IGSF10: variants seen among roughly 807,000 people sequenced by gnomAD.
IGSF10 encodes the protein immunoglobulin superfamily member 10, also known as calvaria mechanical force protein 608.
A neutral mutation model predicts 128.2 loss-of-function variants in IGSF10; 126 were observed. That is an observed-to-expected ratio of 0.98 (90% CI 0.85 to 1.14). The LOEUF (loss-of-function observed/expected upper bound fraction) is 1.14. IGSF10 is among the 50% of genes most tolerant of loss of function. The pLI, the probability that IGSF10 is intolerant of heterozygous loss-of-function variation, is 0.00. For missense variants in IGSF10, 3,295 were observed against 3,149.8 expected, an observed-to-expected ratio of 1.05 and a Z score of -1.10; for synonymous variants, 1,185 against 1,146.2, an observed-to-expected ratio of 1.03 and a Z score of -0.68.
chr3:151,442,955 A>G (rs371817172), intron 7 of IGSF10, 29 bp downstream of exon 7: 34 of 1,580,182 alleles, frequency 2.2e-5, no homozygotes, highest in Non-Finnish European at 2.7e-5. Flanking sequence ...CATAAAGCAG[A>G]TAATTCCAAC....
Position 151,436,469 on chromosome 3 carries a change from A to G in IGSF10, c.*220T>C, listed in dbSNP as rs1720231716. 4.8e-6 allele frequency: 2 copies of G among 416,296 alleles called. No homozygotes were observed. The highest frequency in any genetic ancestry group is 8.5e-6 in the Non-Finnish European group (2 of 236,332). The allele number at this position is 416,296 out of a possible 1,614,324, so 25.8% of individuals were successfully genotyped here. A position where few individuals can be genotyped will look rare whatever the true frequency, so the allele number is the denominator to read the frequency against. Reference sequence around the variant, plus strand: ...TTTATTGTTATTTGTTGGCAAAATAAAAGTGCCTTAAGTTAAAAGTTTGTT... The same window carrying G: ...TTTATTGTTATTTGTTGGCAAAATAGAAGTGCCTTAAGTTAAAAGTTTGTT... On this transcript the variant is annotated 3_prime_UTR_variant, in exon 8 of 8. Transcript: ENST00000282466.
In IGSF10 at chr3:151,437,144, C is replaced by T. The variant is rs777778424; in HGVS notation, c.7417G>A (p.Val2473Ile). 59 of 1,614,052 alleles carry T rather than the reference C, an allele frequency of 3.7e-5. No individual in the cohort carries two copies. ...CCATTAATTTGAGGCCTGTCTACTA[C>T]ATAACCACTTGGCATAGTCCATTTG... ...NIKWTMPSGY[V>I]VDRPQINGKY... is the part of the protein sequence containing the mutation. Residue 2473 changes from valine to isoleucine, a missense_variant, in exon 8 of 8, where the codon GTA (valine) becomes ATA (isoleucine). Physicochemically the swap from Val to Ile is conservative, Grantham distance 29. Coordinates refer to ENST00000282466, the MANE Select transcript of IGSF10 (RefSeq NM_178822.5).
chr3:151,607,923 A>T, the IGSF10 span, among the ~76,000 whole-genome samples: 1 of 150,146 alleles, frequency 6.7e-6, no homozygotes, highest in East Asian at 1.9e-4. Flanking sequence ...AAAAAAAAAA[A>T]AAAAAAAAAA....
chr3:151,536,108 G>A, the IGSF10 span, among the ~76,000 whole-genome samples: 2 of 152,114 alleles, frequency 1.3e-5, no homozygotes, highest in Non-Finnish European at 2.9e-5. Context: ...TAGTCCTAGG[G>A]GGATTAAGGG....
At position 151,447,858 on chromosome 3, in the gene IGSF10, A is replaced by G; in HGVS notation, c.2123T>C (p.Val708Ala). Residue 708 changes from valine (V) to alanine (A), a missense_variant, in exon 6 of 8, where the codon GTT becomes GCT. Val to Ala is a moderately conservative substitution (Grantham distance 64, BLOSUM62 0). Transcript: ENST00000282466. ...ACTTGTGCTTGAGGTGTGTTTTCCA[A>G]CCTCAGCCTCCATCAGAGCAGATGT... ...LRTSALMEAE[V>A]GKHTSSTSKR... 5.6e-6 allele frequency: 9 copies of G among 1,613,924 alleles called. No homozygotes were observed. Among genetic ancestry groups the G allele is most frequent in the Non-Finnish European group, 7.6e-6 (9 of 1,179,972 alleles).
the IGSF10 span, among the ~76,000 whole-genome samples, chr3:151,607,904 C>T: frequency 7.0e-4 from 68 of 97,700 alleles, no homozygotes; most frequent in Middle Eastern, 8.6e-3. Context: ...GAGTGAGACT[C>T]CATCTCGGAA....
At chr3:151,583,657 A>G in the IGSF10 span, among the ~76,000 whole-genome samples, 1 of 152,222 alleles carries the variant, frequency 6.6e-6, no homozygotes, top group Non-Finnish European at 1.5e-5. Context: ...GCACACTAAC[A>G]TGGCACACGT....
At chr3:151,456,503 T>C (rs1440226583) in intron 4 of IGSF10, among the ~76,000 whole-genome samples, 1 of 152,208 alleles carries the variant, frequency 6.6e-6, no homozygotes, top group Non-Finnish European at 1.5e-5. Context: ...CATGTTCCCT[T>C]TATTCTTTTC....
the IGSF10 span, among the ~76,000 whole-genome samples, chr3:151,603,038 T>C: frequency 6.6e-6 from 1 of 152,234 alleles, no homozygotes; most frequent in African/African-American, 2.4e-5. Context: ...AAAACAAAAA[T>C]CAAATCTAGT....
the IGSF10 span, among the ~76,000 whole-genome samples, chr3:151,546,268 A>G: frequency 1.3e-5 from 2 of 151,954 alleles, no homozygotes; most frequent in East Asian, 3.9e-4. Context: ...AAAATACAGC[A>G]TTATCTACAC....
chr3:151,466,221 C>T, the IGSF10 span, among the ~76,000 whole-genome samples: 7 of 152,050 alleles, frequency 4.6e-5, no homozygotes, highest in Middle Eastern at 3.4e-3. Flanking sequence ...TCTGGCGACC[C>T]CCAGAAATAC....
the IGSF10 span, among the ~76,000 whole-genome samples, chr3:151,521,509 ACT>A: frequency 2.6e-5 from 4 of 151,858 alleles, no homozygotes; most frequent in Admixed American, 1.3e-4. Flanking sequence ...TATCAAACAC[ACT>A]CTCAGACCCC....
At chr3:151,505,109 C>T in the IGSF10 span, among the ~76,000 whole-genome samples, 2 of 152,198 alleles carry the variant, frequency 1.3e-5, no homozygotes, top group African/African-American at 4.8e-5. Context: ...TCTGTGGTAC[C>T]AATTTACTTT....
At chr3:151,526,767 C>T in the IGSF10 span, among the ~76,000 whole-genome samples, 1 of 151,926 alleles carries the variant, frequency 6.6e-6, no homozygotes, top group Non-Finnish European at 1.5e-5. Context: ...ACTAATTTTC[C>T]TGGTTATCCT....
the IGSF10 span, among the ~76,000 whole-genome samples, chr3:151,503,783 T>TA: frequency 6.6e-6 from 1 of 152,156 alleles, no homozygotes; most frequent in Non-Finnish European, 1.5e-5. Flanking sequence ...TGGAGTTTTT[T>TA]AAAGATAGTT....
At chr3:151,434,455 G>GA (rs1319656867), downstream of IGSF10, 1 of 152,122 alleles carries the variant, frequency 6.6e-6, no homozygotes, top group African/African-American at 2.4e-5. Flanking sequence ...CTCTGGGCTG[G>GA]AAAAGACTTT....
At chr3:151,500,367 T>C in the IGSF10 span, among the ~76,000 whole-genome samples, 2 of 152,090 alleles carry the variant, frequency 1.3e-5, no homozygotes, top group Non-Finnish European at 2.9e-5. Context: ...TTTGCTATTA[T>C]TTTTTTGAAT....
chr3:151,589,776 A>C, the IGSF10 span, among the ~76,000 whole-genome samples: 8 of 152,178 alleles, frequency 5.3e-5, no homozygotes, highest in African/African-American at 1.9e-4. Flanking sequence ...GGGTGATTTA[A>C]ATTTCTTACT....
chr3:151,599,752 AT>A, the IGSF10 span, among the ~76,000 whole-genome samples: 9 of 152,128 alleles, frequency 5.9e-5, no homozygotes, highest in East Asian at 1.9e-4. Context: ...GGATATTTGT[AT>A]TTTTTTTAAA....
Sources: gnomAD v4.1 joint callset for allele counts (sites outside exome capture counted in the v4.1 genomes callset) on GRCh38, gnomAD v4.1.1 for gene constraint, MANE v1.5 for transcripts, NCBI Gene and HGNC (gene_info 2026-07-23, HGNC 2026-07-21) for gene names.